Variants in ANKRD10 observed in about 807,000 individuals in gnomAD.
ANKRD10 encodes ankyrin repeat domain-containing protein 10.
A neutral mutation model predicts 27.0 loss-of-function variants in ANKRD10; 14 were observed. That is an observed-to-expected ratio of 0.52 (90% CI 0.34 to 0.81). ANKRD10 has a LOEUF of 0.81. Ranked by LOEUF, ANKRD10 falls within the 40% of genes least tolerant of loss-of-function variation. The pLI is 0.01. For missense variants in ANKRD10, 493 were observed against 544.0 expected, an observed-to-expected ratio of 0.91 and a Z score of 0.93; for synonymous variants, 250 against 224.5, an observed-to-expected ratio of 1.11 and a Z score of -1.01.
intron 3 of ANKRD10, 56 bp downstream of exon 3, chr13:110,905,977 A>C (rs2065519645): frequency 6.7e-7 from 1 of 1,487,812 alleles, no homozygotes. Flanking sequence ...ACTGCCTTTA[A>C]ACAAAACATC....
Position 110,913,716 on chromosome 13 carries a change from A to G in ANKRD10, c.210+1009T>C, listed in dbSNP as rs375980938. 3.1e-4 allele frequency among the ~76,000 whole-genome samples: 47 copies of G among 152,310 alleles called. No homozygotes were observed. In the East Asian group the frequency reaches 4.1e-3, roughly 13 times the overall value. ...TAACTTATTTCACATTACCTCTCAC[A>G]TATTTCTGCAAAACCATTTAACCCC... On this transcript the variant is annotated intron_variant, in intron 1 of 5. Coordinates refer to ENST00000267339, the MANE Select transcript of ANKRD10 (RefSeq NM_017664.4).
In ANKRD10 at chr13:110,880,066, A is replaced by T. The variant is rs1254805689; in HGVS notation, c.834T>A (p.Cys278Ter). 2 of 1,614,024 alleles carry T rather than the reference A, an allele frequency of 1.2e-6. No individual in the cohort carries two copies. Among genetic ancestry groups the T allele is most frequent in the Non-Finnish European group, 1.7e-6 (2 of 1,180,014 alleles). ...SSVSNTLTNGCVINGHLDFPS... is the reference protein window; with the variant it reads ...SSVSNTLTNG Reference sequence around the variant, plus strand: ...GGAAGTCCAAATGTCCATTGATGACACATCCATTTGTCAATGTATTCGATA... The same window carrying T: ...GGAAGTCCAAATGTCCATTGATGACTCATCCATTTGTCAATGTATTCGATA... The change falls in exon 6 of 6, where the codon TGT becomes TGA. Residue 278 changes from cysteine to a stop codon, truncating the protein, a stop_gained. Coordinates refer to ENST00000267339, the MANE Select transcript of ANKRD10 (RefSeq NM_017664.4). LOFTEE classifies it low-confidence loss of function (END_TRUNC).
At chr13:110,912,840 G>T (rs2065759140) in intron 1 of ANKRD10, among the ~76,000 whole-genome samples, 1 of 152,210 alleles carries the variant, frequency 6.6e-6, no homozygotes, top group Non-Finnish European at 1.5e-5. Context: ...TGTCCTAACG[G>T]CTTCTTCTCA....
intron 4 of ANKRD10, among the ~76,000 whole-genome samples, chr13:110,892,130 A>G (rs1039280517): frequency 1.3e-5 from 2 of 151,276 alleles, no homozygotes; most frequent in Non-Finnish European, 2.9e-5. Context: ...TAAAAACAAA[A>G]AACAAAAAAC....
Position 110,883,697 on chromosome 13 carries a change from C to G in ANKRD10, c.787+1G>C. The G allele has an allele frequency of 6.2e-7, 1 of 1,614,012 alleles. No homozygotes were observed. Among genetic ancestry groups the G allele is most frequent in the Non-Finnish European group, 8.5e-7 (1 of 1,179,924 alleles). On this transcript the variant is annotated splice_donor_variant, in intron 5 of 5. Coordinates refer to ENST00000267339, the MANE Select transcript of ANKRD10 (RefSeq NM_017664.4). LOFTEE classifies it high-confidence loss of function. ...GCTAACAGGAAACTGTCCACTCCCA[C>G]CTGTTACAACAGCAAACTCCCTATC...
intron 3 of ANKRD10, among the ~76,000 whole-genome samples, chr13:110,898,750 CT>C (rs56176208): frequency 0.25 from 27,000 of 106,550 alleles, 2,892 homozygotes; most frequent in Middle Eastern, 0.4. Flanking sequence ...TTTTTCTTTT[CT>C]TTTTTTTTTT....
chr13:110,885,786 A>G (rs1354968668), intron 4 of ANKRD10, among the ~76,000 whole-genome samples: 1 of 152,222 alleles, frequency 6.6e-6, no homozygotes, highest in Non-Finnish European at 1.5e-5. Context: ...TGGGAATACA[A>G]TGCAGACAGC....
At chr13:110,900,172 C>A (rs141221743) in intron 3 of ANKRD10, among the ~76,000 whole-genome samples, 1 of 152,218 alleles carries the variant, frequency 6.6e-6, no homozygotes, top group African/African-American at 2.4e-5. Context: ...CAGGGTCCCA[C>A]CAGTTTCCAC....
rs201200867 is a variant in ANKRD10, at chr13:110,902,077, G to C, written c.455+3956C>G. On this transcript the variant is annotated intron_variant, in intron 3 of 5. Transcript: ENST00000267339. ...AAAAAAAAAAAAAAAAAAAAGAGGA[G>C]GCAAAAGTAGGATGTGAGGATGACT... 1.6e-4 allele frequency among the ~76,000 whole-genome samples: 23 copies of C among 146,816 alleles called. No homozygotes were observed. In the East Asian group the frequency reaches 3.6e-3, roughly 23 times the overall value.
At chr13:110,902,071 A>AAAG (rs1282584846) in intron 3 of ANKRD10, among the ~76,000 whole-genome samples, 2 of 146,644 alleles carry the variant, frequency 1.4e-5, no homozygotes, top group Admixed American at 6.8e-5. Flanking sequence ...AAAAAAAAAA[A>AAAG]GAGGAGGCAA....
chr13:110,891,633 G>T (rs982733700), intron 4 of ANKRD10, among the ~76,000 whole-genome samples: 1 of 152,142 alleles, frequency 6.6e-6, no homozygotes, highest in African/African-American at 2.4e-5. Context: ...AAAAGATGAT[G>T]TTGGTTCATG....
At chr13:110,883,562 C>A in intron 5 of ANKRD10, 136 bp downstream of exon 5, 2 of 1,408,696 alleles carry the variant, frequency 1.4e-6, no homozygotes, top group Non-Finnish European at 1.9e-6. Flanking sequence ...CTGATTCCTG[C>A]AACGACAGGG....
intron 4 of ANKRD10, among the ~76,000 whole-genome samples, chr13:110,890,814 T>C (rs1463278046): frequency 6.6e-6 from 1 of 152,170 alleles, no homozygotes; most frequent in African/African-American, 2.4e-5. Context: ...GTGAGTTTAA[T>C]GTGCAAAATG....
chr13:110,908,739 T>G (rs1191925167), intron 2 of ANKRD10, among the ~76,000 whole-genome samples: 1 of 152,114 alleles, frequency 6.6e-6, no homozygotes, highest in Non-Finnish European at 1.5e-5. Flanking sequence ...ACAAGAGGTG[T>G]TGAAATTCAC....
At position 110,883,716 on chromosome 13, in the gene ANKRD10, C is replaced by G; in HGVS notation, c.769G>C (p.Glu257Gln). 6.2e-7 allele frequency: 1 copy of G among 1,614,164 alleles called. No individual in the cohort carries two copies. The highest frequency in any genetic ancestry group is 8.5e-7 in the Non-Finnish European group (1 of 1,180,006). The change falls in exon 5 of 6, where the codon GAG becomes CAG. Residue 257 changes from glutamate (E) to glutamine (Q), a missense_variant. Transcript: ENST00000267339. ...CTCCCACCTGTTACAACAGCAAACT[C>G]CCTATCAACGTGCATTTTGTCAGCA... Reference protein sequence around the residue: ...DDADKMHVDREFAVVTDMKNS... With the variant: ...DDADKMHVDRQFAVVTDMKNS...
At chr13:110,893,636 T>C (rs554556331) in intron 3 of ANKRD10, among the ~76,000 whole-genome samples, 1 of 152,216 alleles carries the variant, frequency 6.6e-6, no homozygotes, top group Non-Finnish European at 1.5e-5. Flanking sequence ...GTGAATAAAA[T>C]CATAACAAAC....
At position 110,914,973 on chromosome 13, in the gene ANKRD10, G is replaced by A. The variant is rs1439142063; in HGVS notation, c.-39C>T. On this transcript the variant is annotated 5_prime_UTR_variant, in exon 1 of 6. Coordinates refer to ENST00000267339, the MANE Select transcript of ANKRD10 (RefSeq NM_017664.4). ...AGAGCGCGGGGCTCGCTGGCCTAGA[G>A]GACGCGTCGGGGAGGACTCGAGAAG... 1.3e-6 allele frequency: 2 copies of A among 1,515,074 alleles called. No homozygotes were observed. The highest frequency in any genetic ancestry group is 4.0e-5 in the Admixed American group (2 of 49,838). 93.9% of individuals were successfully genotyped at this position (1,515,074 alleles called of 1,614,324 possible). A position where few individuals can be genotyped will look rare whatever the true frequency, so the allele number is the denominator to read the frequency against.
chr13:110,913,974 A>G (rs549683596), intron 1 of ANKRD10, among the ~76,000 whole-genome samples: 1 of 152,320 alleles, frequency 6.6e-6, no homozygotes, highest in South Asian at 2.1e-4. Context: ...AAAGAGGGGA[A>G]CGTAAAGCCT....
intron 4 of ANKRD10, among the ~76,000 whole-genome samples, chr13:110,887,284 G>A (rs780184182): frequency 7.2e-5 from 11 of 152,184 alleles, no homozygotes; most frequent in Admixed American, 1.3e-4. Context: ...TCAGGATCAA[G>A]CAGCTTGAAA....
Sources: gnomAD v4.1 joint callset for allele counts (sites outside exome capture counted in the v4.1 genomes callset) on GRCh38, gnomAD v4.1.1 for gene constraint, MANE v1.5 for transcripts, NCBI Gene and HGNC (gene_info 2026-07-23, HGNC 2026-07-21) for gene names.